The following DLG2 variants were observed in gnomAD, a reference collection of about 807,000 sequenced individuals.
The protein encoded by DLG2 is disks large homolog 2.
A neutral mutation model predicts 132.5 loss-of-function variants in DLG2; 45 were observed. The ratio of observed to expected loss-of-function variants is 0.34; its 90% CI spans 0.27 to 0.44. The LOEUF (loss-of-function observed/expected upper bound fraction) is 0.44. Among genes scored for constraint, DLG2 ranks in the 20% least tolerant of loss-of-function variants. DLG2 has a pLI of 1.00. For missense variants in DLG2, 1,045 were observed against 1,196.9 expected, an observed-to-expected ratio of 0.87 and a Z score of 1.87; for synonymous variants, 424 against 419.6, an observed-to-expected ratio of 1.01 and a Z score of -0.13.
intron 7 of DLG2, among the ~76,000 whole-genome samples, chr11:84,288,846 G>A (rs1454929649): frequency 1.3e-5 from 2 of 152,132 alleles, no homozygotes; most frequent in Non-Finnish European, 2.9e-5. Context: ...GTCAGTTAAT[G>A]TAGGGATCAC....
intron 19 of DLG2, among the ~76,000 whole-genome samples, chr11:83,622,180 A>C (rs2061736124): frequency 6.6e-6 from 1 of 152,188 alleles, no homozygotes; most frequent in Admixed American, 6.5e-5. Context: ...TGCCCACCCC[A>C]GCCTCCCAAA....
chr11:84,927,879 G>T (rs761792814), intron 6 of DLG2, among the ~76,000 whole-genome samples: 3 of 151,910 alleles, frequency 2.0e-5, no homozygotes, highest in Non-Finnish European at 2.9e-5. Flanking sequence ...GTTAGAAATA[G>T]AAATTCTCCA....
At chr11:85,363,954 A>G (rs1219249547) in intron 3 of DLG2, among the ~76,000 whole-genome samples, 1 of 152,210 alleles carries the variant, frequency 6.6e-6, no homozygotes, top group Non-Finnish European at 1.5e-5. Flanking sequence ...AAGTGGGTCT[A>G]GTCTTTTCCA....
intron 7 of DLG2, among the ~76,000 whole-genome samples, chr11:84,354,666 C>A (rs1056392548): frequency 2.0e-5 from 3 of 152,114 alleles, no homozygotes; most frequent in Non-Finnish European, 4.4e-5. Context: ...CTGTCAAACC[C>A]TAGATCTACC....
chr11:84,578,771 G>A (rs1412857592), intron 6 of DLG2, among the ~76,000 whole-genome samples: 1 of 152,114 alleles, frequency 6.6e-6, no homozygotes, highest in East Asian at 1.9e-4. Context: ...AGCCATGACT[G>A]GTTTTGGAAT....
chr11:84,359,547 A>T (rs1039131782), intron 7 of DLG2, among the ~76,000 whole-genome samples: 13 of 151,910 alleles, frequency 8.6e-5, no homozygotes, highest in African/African-American at 2.9e-4. Context: ...CCAAGTGAAA[A>T]AAAGTTCAAC....
chr11:83,618,561 G>T (rs2061179644), intron 19 of DLG2, among the ~76,000 whole-genome samples: 1 of 152,174 alleles, frequency 6.6e-6, no homozygotes, highest in African/African-American at 2.4e-5. Context: ...CCTAGAGGGA[G>T]AAGAATTATG....
intron 17 of DLG2, among the ~76,000 whole-genome samples, chr11:83,788,411 C>G (rs1728274302): frequency 6.6e-6 from 1 of 152,198 alleles, no homozygotes; most frequent in African/African-American, 2.4e-5. Flanking sequence ...CCTGATCTGG[C>G]TGTGCCACTC....
chr11:84,248,477 C>A (rs2097331728), intron 8 of DLG2, among the ~76,000 whole-genome samples: 1 of 152,006 alleles, frequency 6.6e-6, no homozygotes, highest in Admixed American at 6.6e-5. Flanking sequence ...ATAATTGGGC[C>A]ATTTTCATCA....
chr11:84,194,893 CG>C (rs1329886005), intron 8 of DLG2, among the ~76,000 whole-genome samples: 1 of 152,156 alleles, frequency 6.6e-6, no homozygotes, highest in Non-Finnish European at 1.5e-5. Context: ...GCTCCAAGCG[CG>C]GGGCCTATTG....
At chr11:84,520,554 A>G (rs2099293956) in intron 7 of DLG2, among the ~76,000 whole-genome samples, 1 of 152,196 alleles carries the variant, frequency 6.6e-6, no homozygotes, top group Non-Finnish European at 1.5e-5. Context: ...AACTCCTTGA[A>G]CTAAATGTGT....
chr11:83,992,130 A>G lies in DLG2; in HGVS notation c.920-11488T>C, dbSNP rs138902418. Among the ~76,000 whole-genome samples the G allele has an allele frequency of 6.6e-5, 10 of 152,322 alleles. No homozygotes were observed. In the East Asian group the frequency reaches 1.9e-3, roughly 29 times the overall value. ...GCATTTCTAAGTTGTACTCCAGTAGAACTAACCTGTGCCAGCCTTTCTTCC... is the reference window on the plus strand; with the variant it reads ...GCATTTCTAAGTTGTACTCCAGTAGGACTAACCTGTGCCAGCCTTTCTTCC... On this transcript the variant is annotated intron_variant, in intron 11 of 27. Coordinates refer to ENST00000376104, the MANE Select transcript of DLG2 (RefSeq NM_001142699.3).
At chr11:84,986,475 A>C (rs969058042) in intron 6 of DLG2, among the ~76,000 whole-genome samples, 1 of 152,188 alleles carries the variant, frequency 6.6e-6, no homozygotes, top group Non-Finnish European at 1.5e-5. Context: ...TAACCAAAAA[A>C]GAAGACTACA....
At chr11:85,583,088 ATGTGTGTGTGTGTGTGTGTG>A (rs3068389) in intron 3 of DLG2, among the ~76,000 whole-genome samples, 1 of 29,832 alleles carries the variant, frequency 3.4e-5, no homozygotes, top group African/African-American at 1.3e-4. Flanking sequence ...AATATATGTG[ATGTGTGTGTGTGTGTGTGTG>A]TGTGTGTGTG....
At chr11:84,879,091 G>T (rs1431617329) in intron 6 of DLG2, among the ~76,000 whole-genome samples, 1 of 152,112 alleles carries the variant, frequency 6.6e-6, no homozygotes, top group Non-Finnish European at 1.5e-5. Flanking sequence ...TGAAGCATTT[G>T]TGTTCCTTCA....
intron 7 of DLG2, among the ~76,000 whole-genome samples, chr11:84,407,666 C>T (rs2098863038): frequency 1.3e-5 from 2 of 152,136 alleles, no homozygotes; most frequent in Admixed American, 6.5e-5. Context: ...TTGACTTTAA[C>T]ATATCTTATA....
At chr11:84,237,173 C>A (rs1328303859) in intron 8 of DLG2, among the ~76,000 whole-genome samples, 1 of 152,098 alleles carries the variant, frequency 6.6e-6, no homozygotes, top group Non-Finnish European at 1.5e-5. Context: ...CGTGATTCGC[C>A]TGCCTCGGCC....
chr11:84,592,600 G>C (rs1593165336), intron 6 of DLG2, among the ~76,000 whole-genome samples: 1 of 151,696 alleles, frequency 6.6e-6, no homozygotes, highest in African/African-American at 2.4e-5. Context: ...GAATCTACAA[G>C]GAACTTAAAC....
chr11:85,007,401 C>A lies in DLG2; in HGVS notation c.357+104260G>T, dbSNP rs992786392. Reference sequence around the variant, plus strand: ...TATGGCCGGGCGCAGTGGCTCACGCCTGTAATCCCAGCACTTTGGGAAGCT... The same window carrying A: ...TATGGCCGGGCGCAGTGGCTCACGCATGTAATCCCAGCACTTTGGGAAGCT... On this transcript the variant is annotated intron_variant, in intron 6 of 27. Transcript: ENST00000376104. Among the ~76,000 whole-genome samples the A allele has an allele frequency of 1.6e-4, 24 of 152,122 alleles. 1 individual carries two copies. The highest frequency in any genetic ancestry group is 3.4e-4 in the Non-Finnish European group (23 of 67,992).
Sources: allele counts gnomAD v4.1 joint callset (sites outside exome capture counted in the v4.1 genomes callset), GRCh38; gene constraint gnomAD v4.1.1; transcripts MANE v1.5; gene names NCBI Gene and HGNC (gene_info 2026-07-23, HGNC 2026-07-21).